The following TAF4B variants were observed in gnomAD, a reference collection of about 807,000 sequenced individuals.
TAF4B encodes transcription initiation factor TFIID subunit 4B.
A neutral mutation model predicts 86.4 loss-of-function variants in TAF4B; 38 were observed. The ratio of observed to expected loss-of-function variants is 0.44; its 90% CI spans 0.34 to 0.58. The LOEUF is 0.58. Among genes scored for constraint, TAF4B ranks in the 20% least tolerant of loss-of-function variants. The pLI is 0.02. For synonymous variants in TAF4B, 388 were observed against 391.2 expected (o/e 0.99, Z 0.10); for missense variants, 988 against 1,027.6 (o/e 0.96, Z 0.53).
At chr18:26,368,676 G>A (rs760924013) in intron 14 of TAF4B, among the ~76,000 whole-genome samples, 4 of 151,428 alleles carry the variant, frequency 2.6e-5, no homozygotes, top group Admixed American at 6.6e-5. Flanking sequence ...AGAACATGCC[G>A]TTACCTTAGA....
At chr18:26,246,887 G>A (rs1423531350) in intron 1 of TAF4B, among the ~76,000 whole-genome samples, 1 of 146,228 alleles carries the variant, frequency 6.8e-6, no homozygotes, top group African/African-American at 2.5e-5. Flanking sequence ...TTTCACTCTT[G>A]TTGCCCAGGT....
chr18:26,253,776 T>C (rs2056039928), intron 1 of TAF4B, among the ~76,000 whole-genome samples: 1 of 152,206 alleles, frequency 6.6e-6, no homozygotes, highest in African/African-American at 2.4e-5. Context: ...GTCTATTCTT[T>C]CTTGAGTCAA....
intron 14 of TAF4B, among the ~76,000 whole-genome samples, chr18:26,372,290 C>G (rs2057410810): frequency 6.6e-6 from 1 of 152,180 alleles, no homozygotes. Flanking sequence ...AGTGGTGATT[C>G]TTATTACATT....
intron 1 of TAF4B, chr18:26,255,916 T>G: frequency 2.4e-6 from 3 of 1,236,274 alleles, no homozygotes; most frequent in Non-Finnish European, 3.6e-6. Context: ...CCAGAAGCCA[T>G]CTCTGTATCT....
chr18:26,235,311 C>T (rs1395774776), intron 1 of TAF4B, among the ~76,000 whole-genome samples: 1 of 152,034 alleles, frequency 6.6e-6, no homozygotes, highest in Non-Finnish European at 1.5e-5. Context: ...TCCCAAGGAA[C>T]CCCCGCAACT....
chr18:26,256,429 C>T, intron 1 of TAF4B: 3 of 832,758 alleles, frequency 3.6e-6, no homozygotes, highest in Non-Finnish European at 2.1e-6. Context: ...GTGCAGAGTG[C>T]ACGCCAGGCC....
intron 13 of TAF4B, among the ~76,000 whole-genome samples, chr18:26,338,634 A>G (rs1466191519): frequency 6.6e-6 from 1 of 151,836 alleles, no homozygotes; most frequent in East Asian, 1.9e-4. Flanking sequence ...ATGTGCCACC[A>G]TGCCTGGCTA....
intron 14 of TAF4B, among the ~76,000 whole-genome samples, chr18:26,363,301 G>A (rs1173856255): frequency 6.7e-6 from 1 of 149,154 alleles, no homozygotes; most frequent in African/African-American, 2.5e-5. Flanking sequence ...GCTGGGTGCA[G>A]TGGCTCCAGC....
chr18:26,299,017 A>G (rs1304288746), intron 9 of TAF4B, among the ~76,000 whole-genome samples: 5 of 151,932 alleles, frequency 3.3e-5, no homozygotes, highest in Admixed American at 6.6e-5. Context: ...ATGTGTCACC[A>G]TGCATGGCTA....
intron 5 of TAF4B, among the ~76,000 whole-genome samples, chr18:26,277,658 T>A (rs900052571): frequency 5.3e-5 from 8 of 152,168 alleles, no homozygotes; most frequent in African/African-American, 1.9e-4. Context: ...ATTATTTTTT[T>A]AAAAATAGCT....
chr18:26,306,299 T>C (rs1193121968), intron 9 of TAF4B, among the ~76,000 whole-genome samples: 1 of 152,248 alleles, frequency 6.6e-6, no homozygotes, highest in Non-Finnish European at 1.5e-5. Flanking sequence ...TCAGTCTTCA[T>C]ATGACATGGT....
chr18:26,254,580 C>CCAT (rs2056054180), intron 1 of TAF4B, among the ~76,000 whole-genome samples: 1 of 152,128 alleles, frequency 6.6e-6, no homozygotes, highest in Admixed American at 6.5e-5. Context: ...AAGAAATGTG[C>CCAT]CCCAAGAAGC....
At chr18:26,347,626 C>T (rs376650448) in intron 13 of TAF4B, among the ~76,000 whole-genome samples, 32 of 152,146 alleles carry the variant, frequency 2.1e-4, no homozygotes, top group African/African-American at 7.2e-4. Context: ...TTAAAAGATA[C>T]AGACTAGCCA....
chr18:26,257,043 G>A (rs552021827), intron 1 of TAF4B, among the ~76,000 whole-genome samples: 6 of 152,140 alleles, frequency 3.9e-5, no homozygotes, highest in East Asian at 3.9e-4. Context: ...AGAATGTTTC[G>A]CATACACTTA....
chr18:26,257,838 C>CGTGT (rs1230126162), intron 1 of TAF4B, among the ~76,000 whole-genome samples: 2 of 100,708 alleles, frequency 2.0e-5, no homozygotes, highest in Non-Finnish European at 1.9e-5. Flanking sequence ...CTTTCCTCTG[C>CGTGT]GTGCGTGTGT....
chr18:26,374,954 T>G (rs2057432883), intron 14 of TAF4B, among the ~76,000 whole-genome samples: 1 of 152,204 alleles, frequency 6.6e-6, no homozygotes, highest in Non-Finnish European at 1.5e-5. Flanking sequence ...AATTCACTTT[T>G]GTAAAGTGTC....
rs1312868958 is a variant in TAF4B, at chr18:26,227,007, T to C, written c.74T>C (p.Met25Thr). ...AAVSASGTVT[M>T]APAGALPVRV... The stretch of plus-strand genomic sequence containing the variant: ...GTGAGCGCCTCGGGGACCGTGACCA[T>C]GGCCCCGGCCGGGGCGCTGCCGGTG... Residue 25 changes from methionine to threonine, a missense_variant, in exon 1 of 15, where the codon ATG (methionine) becomes ACG (threonine). By Grantham distance (81) the Met-to-Thr change is moderately conservative. Around this residue, in one of 3 missense-constraint regions of TAF4B, gnomAD observed 747 missense variants for 737.9 expected, o/e 1.01. Transcript: ENST00000269142. 1.4e-6 allele frequency: 2 copies of C among 1,455,996 alleles called. No individual in the cohort carries two copies. The highest frequency in any genetic ancestry group is 8.9e-7 in the Non-Finnish European group (1 of 1,118,392). 90.2% of individuals were successfully genotyped at this position (1,455,996 alleles called of 1,614,324 possible).
intron 1 of TAF4B, among the ~76,000 whole-genome samples, chr18:26,258,507 TA>T (rs1387149786): frequency 6.6e-6 from 1 of 152,182 alleles, no homozygotes; most frequent in Admixed American, 6.5e-5. Flanking sequence ...CAATAGTTTT[TA>T]AAAACCAGTT....
At chr18:26,381,061 C>T (rs2057474974) in intron 14 of TAF4B, among the ~76,000 whole-genome samples, 1 of 152,148 alleles carries the variant, frequency 6.6e-6, no homozygotes, top group African/African-American at 2.4e-5. Context: ...GTCGCCCAGG[C>T]TGGAGTGCAG....
Sources: gnomAD v4.1 joint callset for allele counts (sites outside exome capture counted in the v4.1 genomes callset) on GRCh38, gnomAD v4.1.1 for gene constraint, gnomAD v4.1.1 regional missense constraint, MANE v1.5 for transcripts, NCBI Gene and HGNC (gene_info 2026-07-23, HGNC 2026-07-21) for gene names.